The following PAX2 variants were observed in gnomAD, a reference collection of about 807,000 sequenced individuals.
PAX2 encodes the protein paired box 2.
PAX2 carries 9 observed loss-of-function variants against 41.7 expected under a neutral mutation model. The ratio of observed to expected loss-of-function variants is 0.22; its 90% confidence interval spans 0.13 to 0.38. PAX2 has a LOEUF of 0.38. Among genes scored for constraint, PAX2 ranks in the 10% least tolerant of loss-of-function variants. PAX2 has a pLI of 1.00. For synonymous variants in PAX2, 221 were observed against 212.7 expected (o/e 1.04, Z -0.34); for missense variants, 418 against 531.6 (o/e 0.79, Z 2.10).
chr10:100,817,483 C>T (rs908491388), intron 7 of PAX2, among the ~76,000 whole-genome samples: 2 of 152,194 alleles, frequency 1.3e-5, no homozygotes, highest in African/African-American at 2.4e-5. Context: ...CAGAGGAGGG[C>T]GGGGTGCTGG....
At chr10:100,751,812 G>T (rs1845453783) in intron 3 of PAX2, among the ~76,000 whole-genome samples, 1 of 152,132 alleles carries the variant, frequency 6.6e-6, no homozygotes, top group South Asian at 2.1e-4. Context: ...CAAGATCACA[G>T]AACTGTACAA....
chr10:100,786,350 T>A (rs543129021), intron 5 of PAX2, among the ~76,000 whole-genome samples: 2 of 152,264 alleles, frequency 1.3e-5, no homozygotes, highest in Non-Finnish European at 2.9e-5. Flanking sequence ...TATAAATAAA[T>A]AAACATAAGA....
chr10:100,817,759 C>T (rs1267411553), intron 7 of PAX2, among the ~76,000 whole-genome samples: 1 of 152,166 alleles, frequency 6.6e-6, no homozygotes, highest in African/African-American at 2.4e-5. Context: ...GTCCCATAGT[C>T]CCTTCTGCCC....
At chr10:100,751,807 T>A (rs1845453684) in intron 3 of PAX2, among the ~76,000 whole-genome samples, 1 of 152,074 alleles carries the variant, frequency 6.6e-6, no homozygotes, top group Non-Finnish European at 1.5e-5. Flanking sequence ...GGTTTCAAGA[T>A]CACAGAACTG....
At chr10:100,807,061 G>T (rs1847815050) in intron 6 of PAX2, among the ~76,000 whole-genome samples, 1 of 152,036 alleles carries the variant, frequency 6.6e-6, no homozygotes, top group Admixed American at 6.5e-5. Flanking sequence ...TGTCAGGAGA[G>T]CCTGCCTGTG....
chr10:100,805,115 G>T (rs1847729536), intron 5 of PAX2, among the ~76,000 whole-genome samples: 1 of 151,018 alleles, frequency 6.6e-6, no homozygotes, highest in African/African-American at 2.4e-5. Flanking sequence ...AGATATGGAG[G>T]GAAGATGGGA....
rs1428986682 is a variant in PAX2, at chr10:100,826,910, G to A, written c.1022-99G>A. ...CCCTGCCCGCGACACCTGCGCCTGA[G>A]ACCCGGCGGGAGGAGCGGGCGGAGA... On this transcript the variant is annotated intron_variant, in intron 8 of 9. Coordinates refer to ENST00000355243, the MANE Select transcript of PAX2 (RefSeq NM_000278.5). This position sits in a 1 kb window ranked among gnomAD's most constrained non-coding sequence, Gnocchi z 5.5. The A allele has an allele frequency of 1.2e-6, 1 of 828,682 alleles. No homozygotes were observed. The highest frequency in any genetic ancestry group is 1.7e-5 in the African/African-American group (1 of 59,296). The allele number at this position is 828,682 out of a possible 1,614,324, so 51.3% of individuals were successfully genotyped here.
chr10:100,789,582 C>CT (rs1185556962), intron 5 of PAX2, among the ~76,000 whole-genome samples: 1 of 152,202 alleles, frequency 6.6e-6, no homozygotes, highest in African/African-American at 2.4e-5. Context: ...AAGTTTCTGA[C>CT]TTTAACTGCA....
At chr10:100,820,112 C>T (rs1404766734) in intron 7 of PAX2, among the ~76,000 whole-genome samples, 1 of 152,222 alleles carries the variant, frequency 6.6e-6, no homozygotes, top group Admixed American at 6.5e-5. Context: ...ATTAATACTC[C>T]ACCCCATGGA....
At chr10:100,742,742 G>A (rs755307962), upstream of PAX2, among the ~76,000 whole-genome samples, 7 of 151,970 alleles carry the variant, frequency 4.6e-5, no homozygotes, top group East Asian at 1.9e-4. Flanking sequence ...AGAGGCGGAC[G>A]GGAAAAGCAA....
intron 1 of PAX2, among the ~76,000 whole-genome samples, chr10:100,739,554 C>A (rs1310266114): frequency 6.6e-6 from 1 of 152,222 alleles, no homozygotes; most frequent in Non-Finnish European, 1.5e-5. Flanking sequence ...GCGGCCCGGT[C>A]GCGCGCGCTC....
At position 100,824,183 on chromosome 10, in the gene PAX2, G is replaced by A. The variant is rs1309944910; in HGVS notation, c.920-465G>A. 6.6e-6 allele frequency among the ~76,000 whole-genome samples: 1 copy of A among 152,120 alleles called. No individual in the cohort carries two copies. The highest frequency in any genetic ancestry group is 1.9e-4 in the East Asian group (1 of 5,184). On this transcript the variant is annotated intron_variant, in intron 7 of 9. Coordinates refer to ENST00000355243, the MANE Select transcript of PAX2 (RefSeq NM_000278.5). The surrounding 1 kb of genome is among the most constrained non-coding windows in gnomAD (Gnocchi z 6.6). ...TGGTGGGGTGTCCTCCAAGCCTGAA[G>A]GAAAGATGGGGTGTTAGGGAGAGGA...
At chr10:100,787,063 G>T in intron 5 of PAX2, 2 of 1,098,790 alleles carry the variant, frequency 1.8e-6, no homozygotes, top group Non-Finnish European at 1.3e-6. Context: ...ATAGCTTGGG[G>T]GTGGCGGTTA....
chr10:100,737,032 C>T (rs1460810122), intron 1 of PAX2, among the ~76,000 whole-genome samples: 2 of 152,202 alleles, frequency 1.3e-5, no homozygotes, highest in Non-Finnish European at 2.9e-5. Context: ...CAGGGCTTCT[C>T]TCTCCCAAAC....
At chr10:100,785,276 G>A (rs952236845) in intron 5 of PAX2, among the ~76,000 whole-genome samples, 9 of 152,222 alleles carry the variant, frequency 5.9e-5, no homozygotes, top group Admixed American at 3.9e-4. Context: ...AAACATTGCT[G>A]TTCATCGGTG....
chr10:100,823,835 G>A (rs931599844), intron 7 of PAX2, among the ~76,000 whole-genome samples: 1 of 152,092 alleles, frequency 6.6e-6, no homozygotes, highest in Non-Finnish European at 1.5e-5. Context: ...AGGACATGTC[G>A]GTGGACCAGG....
chr10:100,761,513 C>T (rs1264175922), intron 3 of PAX2, among the ~76,000 whole-genome samples: 2 of 152,202 alleles, frequency 1.3e-5, no homozygotes, highest in Admixed American at 6.5e-5. Context: ...CATTTCATGG[C>T]CAGTGGCTGC....
chr10:100,743,471 C>G (rs145540121), upstream of PAX2, among the ~76,000 whole-genome samples: 1 of 152,158 alleles, frequency 6.6e-6, no homozygotes. Context: ...AGTTCACACA[C>G]CCCGAGACAA....
upstream of PAX2, among the ~76,000 whole-genome samples, chr10:100,740,785 C>G (rs1844926882): frequency 8.5e-6 from 1 of 117,624 alleles, no homozygotes; most frequent in Admixed American, 8.8e-5. Flanking sequence ...TTAGGAGGTC[C>G]ATGGGTATCT....
Sources: allele counts gnomAD v4.1 joint callset (sites outside exome capture counted in the v4.1 genomes callset), GRCh38; gene constraint gnomAD v4.1.1; non-coding constraint Gnocchi (gnomAD v3.1); transcripts MANE v1.5; gene names NCBI Gene and HGNC (gene_info 2026-07-23, HGNC 2026-07-21).